Variants in FCHSD2 observed in about 807,000 individuals in gnomAD.
FCHSD2 encodes FCH and double SH3 domains 2.
Under a neutral mutation model 108.1 loss-of-function variants are expected in FCHSD2, and 38 were observed. The ratio of observed to expected loss-of-function variants is 0.35; its 90% confidence interval spans 0.27 to 0.46. The LOEUF (loss-of-function observed/expected upper bound fraction) is 0.46, where lower values mean the gene tolerates loss of function less well. Ranked by LOEUF, FCHSD2 falls within the 20% of genes least tolerant of loss-of-function variation. FCHSD2 has a pLI of 1.00. For synonymous variants in FCHSD2, 279 were observed against 314.7 expected, an observed-to-expected ratio of 0.89 and a Z score of 1.20; for missense variants, 751 against 897.8, an observed-to-expected ratio of 0.84 and a Z score of 2.09.
At position 72,837,058 on chromosome 11, in the gene FCHSD2, A is replaced by C. The variant is rs1213226720; in HGVS notation, c.*1733T>G. 6.6e-6 allele frequency: 1 copy of C among 152,380 alleles called. No homozygotes were observed. The highest frequency in any genetic ancestry group is 2.4e-5 in the African/African-American group (1 of 41,594). The allele number at this position is 152,380 out of a possible 1,614,324, so 9.4% of individuals were successfully genotyped here. A position where few individuals can be genotyped will look rare whatever the true frequency, so the allele number is the denominator to read the frequency against. On this transcript the variant is annotated 3_prime_UTR_variant, in exon 20 of 20. Coordinates refer to ENST00000409418, the MANE Select transcript of FCHSD2 (RefSeq NM_014824.3). ...CAATTTGGCTAGCTAAAGACAGAAT[A>C]CAAGACTGGGTGGCAAGAACTGCTC...
At chr11:72,842,574 AT>A (rs767390327) in intron 17 of FCHSD2, 46 bp downstream of exon 17, 18 of 1,610,322 alleles carry the variant, frequency 1.1e-5, no homozygotes, top group Non-Finnish European at 1.5e-5. Context: ...TTTGGGAGCA[AT>A]TTTCTTTAAA....
chr11:73,125,407 A>G (rs968102436), intron 2 of FCHSD2, among the ~76,000 whole-genome samples: 5 of 152,200 alleles, frequency 3.3e-5, no homozygotes, highest in African/African-American at 1.2e-4. Context: ...GTGATAAATT[A>G]AGAATGCATG....
chr11:72,981,495 TTAATA>T (rs1591454626), intron 8 of FCHSD2, among the ~76,000 whole-genome samples: 1 of 152,190 alleles, frequency 6.6e-6, no homozygotes, highest in East Asian at 1.9e-4. Flanking sequence ...GTTGCTTAAG[TTAATA>T]TAATGTTCAT....
rs574961579 is a variant in FCHSD2 at position 72,953,909 on chromosome 11, G to C, written c.705+30179C>G. ...TGTGCTTGGTGTGGAATAGTAAAAG[G>C]CCAATATGATTAAATTACAGTGAGG... is the stretch of plus-strand genomic sequence containing the variant. On this transcript the variant is annotated intron_variant, in intron 8 of 19. Transcript: ENST00000409418. Among the ~76,000 whole-genome samples the C allele has an allele frequency of 3.3e-5, 5 of 152,172 alleles. No homozygotes were observed. In the South Asian group the frequency reaches 1.0e-3, roughly 32 times the overall value.
chr11:73,053,745 A>G (rs977590856), intron 3 of FCHSD2, among the ~76,000 whole-genome samples: 1 of 152,326 alleles, frequency 6.6e-6, no homozygotes, highest in East Asian at 1.9e-4. Context: ...CTTTGTGTTT[A>G]GTTAGTATTA....
At chr11:72,947,171 T>C (rs1159674615) in intron 8 of FCHSD2, among the ~76,000 whole-genome samples, 1 of 152,226 alleles carries the variant, frequency 6.6e-6, no homozygotes, top group Non-Finnish European at 1.5e-5. Context: ...TTTTCCAATA[T>C]ATCTTATTTC....
intron 8 of FCHSD2, among the ~76,000 whole-genome samples, chr11:72,942,008 C>T (rs1368715421): frequency 6.6e-6 from 1 of 152,118 alleles, no homozygotes; most frequent in Non-Finnish European, 1.5e-5. Context: ...TTTCAAGTAA[C>T]ATGTAAAGGC....
chr11:73,026,870 C>A (rs543684419), intron 3 of FCHSD2, among the ~76,000 whole-genome samples: 27 of 152,150 alleles, frequency 1.8e-4, no homozygotes, highest in Non-Finnish European at 3.2e-4. Context: ...CTCTCTCCTG[C>A]GACCATGTAA....
chr11:73,107,183 T>G (rs1210813969), intron 2 of FCHSD2, among the ~76,000 whole-genome samples: 1 of 152,100 alleles, frequency 6.6e-6, no homozygotes, highest in African/African-American at 2.4e-5. Context: ...GCCTTCTGAG[T>G]AGCTGGGATT....
chr11:73,056,589 A>C (rs757749474), intron 3 of FCHSD2, among the ~76,000 whole-genome samples: 2 of 152,238 alleles, frequency 1.3e-5, no homozygotes, highest in African/African-American at 2.4e-5. Flanking sequence ...TCAGAACTTG[A>C]AACTATATTT....
chr11:73,006,736 T>G (rs1344341791), intron 4 of FCHSD2, among the ~76,000 whole-genome samples: 1 of 152,280 alleles, frequency 6.6e-6, no homozygotes, highest in African/African-American at 2.4e-5. Context: ...GTTTAATTAT[T>G]CACTTGTTTA....
intron 13 of FCHSD2, among the ~76,000 whole-genome samples, chr11:72,866,504 A>G (rs1396176386): frequency 6.6e-6 from 1 of 152,110 alleles, no homozygotes; most frequent in Non-Finnish European, 1.5e-5. Context: ...TCCTGACCTC[A>G]GGTGATCCAT....
intron 13 of FCHSD2, 135 bp from the exon 14 acceptor site, chr11:72,850,024 G>A (rs1002394289): frequency 5.0e-5 from 26 of 516,882 alleles, no homozygotes; most frequent in African/African-American, 1.9e-4. Flanking sequence ...ACTATCTTTC[G>A]CACTTACATT....
intron 8 of FCHSD2, among the ~76,000 whole-genome samples, chr11:72,976,715 A>G (rs1275623191): frequency 6.6e-6 from 1 of 152,182 alleles, no homozygotes; most frequent in East Asian, 1.9e-4. Flanking sequence ...TCACAGACCA[A>G]TGGAACAGAA....
intron 2 of FCHSD2, among the ~76,000 whole-genome samples, chr11:73,111,198 T>C (rs998935096): frequency 6.6e-6 from 1 of 152,178 alleles, no homozygotes; most frequent in South Asian, 2.1e-4. Context: ...CGGTCTATAG[T>C]ACAGATTAAG....
intron 2 of FCHSD2, among the ~76,000 whole-genome samples, chr11:73,104,401 C>T: frequency 6.6e-6 from 1 of 152,068 alleles, no homozygotes; most frequent in East Asian, 1.9e-4. Context: ...TCCAGAGTAG[C>T]TGGGATTACA....
intron 2 of FCHSD2, among the ~76,000 whole-genome samples, chr11:73,109,974 T>TA: frequency 6.6e-6 from 1 of 152,376 alleles, no homozygotes; most frequent in Admixed American, 6.5e-5. Context: ...TCATTCTTGA[T>TA]ACGATGTATC....
chr11:73,003,499 T>G (rs918302589), intron 4 of FCHSD2, among the ~76,000 whole-genome samples: 1 of 151,422 alleles, frequency 6.6e-6, no homozygotes, highest in East Asian at 2.0e-4. Flanking sequence ...TTTTTTTTTT[T>G]TTTTTGAGAC....
chr11:73,097,458 T>C (rs1233929898), intron 2 of FCHSD2, among the ~76,000 whole-genome samples: 4 of 151,644 alleles, frequency 2.6e-5, no homozygotes, highest in Non-Finnish European at 5.9e-5. Flanking sequence ...TTGATTTTTG[T>C]ATAAGGGTAA....
Sources: allele counts gnomAD v4.1 joint callset (sites outside exome capture counted in the v4.1 genomes callset), GRCh38; gene constraint gnomAD v4.1.1; transcripts MANE v1.5; gene names NCBI Gene and HGNC (gene_info 2026-07-23, HGNC 2026-07-21).